THADA: variants seen among roughly 807,000 people sequenced by gnomAD.
THADA encodes THADA armadillo repeat containing.
THADA carries 213 observed loss-of-function variants against 219.8 expected under a neutral mutation model. The observed-to-expected ratio is 0.97, with a 90% CI of 0.87 to 1.09. THADA has a LOEUF of 1.09. Among genes scored for constraint, THADA ranks in the 50% least tolerant of loss-of-function variants. The pLI, the probability that THADA is intolerant of heterozygous loss-of-function variation, is 0.00. For synonymous variants in THADA, 1,018 were observed against 828.9 expected, an observed-to-expected ratio of 1.23 and a Z score of -3.92; for missense variants, 2,956 against 2,311.3, an observed-to-expected ratio of 1.28 and a Z score of -5.72.
Position 43,480,151 on chromosome 2 carries a change from G to C in THADA, c.3836+5083C>G, listed in dbSNP as rs554495359. On this transcript the variant is annotated intron_variant, in intron 26 of 37. Transcript: ENST00000405975. The stretch of plus-strand genomic sequence containing the variant: ...TGTGTTCTAGTTCTGCCACTTTCTG[G>C]CTGTATGGCCACAGGCAAGTAGCTA... Among the ~76,000 whole-genome samples, 6 of 152,352 alleles carry C rather than the reference G, an allele frequency of 3.9e-5. No homozygotes were observed. In the South Asian group the frequency reaches 1.2e-3, roughly 32 times the overall value.
intron 29 of THADA, among the ~76,000 whole-genome samples, chr2:43,346,125 G>T (rs1324004832): frequency 1.3e-5 from 2 of 152,120 alleles, no homozygotes; most frequent in Non-Finnish European, 2.9e-5. Context: ...CAAAGGGCCA[G>T]GGTCAGAGAA....
At chr2:43,307,169 A>G (rs1375057309) in intron 31 of THADA, among the ~76,000 whole-genome samples, 1 of 152,230 alleles carries the variant, frequency 6.6e-6, no homozygotes, top group Non-Finnish European at 1.5e-5. Context: ...CAAGAAGACA[A>G]TAAGGGAAGC....
intron 36 of THADA, among the ~76,000 whole-genome samples, chr2:43,237,397 A>ATTTTTT (rs70963388): frequency 7.6e-6 from 1 of 132,264 alleles, no homozygotes; most frequent in Non-Finnish European, 1.6e-5. Context: ...AACTCATTTG[A>ATTTTTT]TTTTTTTTTT....
At chr2:43,232,913 A>C in intron 36 of THADA, 31 bp from the exon 37 acceptor site, 1 of 1,589,990 alleles carries the variant, frequency 6.3e-7, no homozygotes, top group Non-Finnish European at 8.6e-7. Flanking sequence ...TGAGCAATGA[A>C]TATACTGCTC....
chr2:43,483,590 A>G (rs1260499853), intron 26 of THADA, among the ~76,000 whole-genome samples: 2 of 152,018 alleles, frequency 1.3e-5, no homozygotes, highest in Non-Finnish European at 1.5e-5. Flanking sequence ...ATATTTTGTA[A>G]TCTTTCCTAT....
At position 43,320,550 on chromosome 2, in the gene THADA, TA is replaced by T; in HGVS notation, c.4344-11del. ...CAAACATGGATTTTGCCTAGAAAGG[TA>T]AAGAACAGAATATAAATTGAGATTT... On this transcript the variant is annotated splice_polypyrimidine_tract_variant and intron_variant, in intron 30 of 37. Transcript: ENST00000405975. 1 of 1,597,212 alleles carries T rather than the reference TA, an allele frequency of 6.3e-7. No homozygotes were observed. Among genetic ancestry groups the T allele is most frequent in the Non-Finnish European group, 8.6e-7 (1 of 1,167,402 alleles).
intron 36 of THADA, among the ~76,000 whole-genome samples, chr2:43,272,432 T>C (rs1416559099): frequency 6.6e-6 from 1 of 152,188 alleles, no homozygotes; most frequent in Non-Finnish European, 1.5e-5. Context: ...TGGCTTGGAC[T>C]AGCACATGAA....
chr2:43,246,840 G>A (rs1453172028), intron 36 of THADA, among the ~76,000 whole-genome samples: 1 of 152,152 alleles, frequency 6.6e-6, no homozygotes, highest in Non-Finnish European at 1.5e-5. Context: ...TTTCCCAAAG[G>A]CATGGGAAAT....
chr2:43,240,567 G>T (rs1572729761), intron 36 of THADA, among the ~76,000 whole-genome samples: 1 of 152,136 alleles, frequency 6.6e-6, no homozygotes, highest in South Asian at 2.1e-4. Context: ...ACCCACCAGG[G>T]CCATCAGAGC....
In THADA at chr2:43,304,002, A is replaced by G. The variant is rs147353786; in HGVS notation, c.4439-10789T>C. ...CACCTCAGACCATCTGACATCATCC[A>G]TGCTTTCCACAGTGTAAACATCTTG... On this transcript the variant is annotated intron_variant, in intron 31 of 37. Transcript: ENST00000405975. 4.9e-4 allele frequency among the ~76,000 whole-genome samples: 75 copies of G among 152,286 alleles called. 1 individual carries two copies. In the East Asian group the frequency reaches 0.01, roughly 21 times the overall value.
In THADA at chr2:43,456,460, G is replaced by A. The variant is rs372291466; in HGVS notation, c.3837-26158C>T. 7.2e-5 allele frequency among the ~76,000 whole-genome samples: 11 copies of A among 152,280 alleles called. No homozygotes were observed. The East Asian group carries it at 2.1e-3, about 29-fold the overall frequency. ...AATGCAAAGTAGAGAAAGAGCAAAG[G>A]TCTAGAACCAGCCTGACCAGAGGAA... On this transcript the variant is annotated intron_variant, in intron 26 of 37. Coordinates refer to ENST00000405975, the MANE Select transcript of THADA (RefSeq NM_022065.5).
rs1686393801 is a variant in THADA at position 43,482,806 on chromosome 2, C to G, written c.3836+2428G>C. ...CAGAAGTGGTAACAGAAAGAAAAAC[C>G]AAACTATATCTCTAATTGCCTAGGA... On this transcript the variant is annotated intron_variant, in intron 26 of 37. Transcript: ENST00000405975. 2.0e-5 allele frequency among the ~76,000 whole-genome samples: 3 copies of G among 152,092 alleles called. 1 individual carries two copies. Among genetic ancestry groups the G allele is most frequent in the South Asian group, 4.1e-4 (2 of 4,830 alleles).
intron 30 of THADA, among the ~76,000 whole-genome samples, chr2:43,338,529 T>C (rs1031236363): frequency 5.3e-5 from 8 of 152,182 alleles, no homozygotes; most frequent in East Asian, 1.9e-4. Context: ...CTCCTCTCTG[T>C]AGCCCCTGGC....
At chr2:43,470,630 T>C (rs1187489907) in intron 26 of THADA, among the ~76,000 whole-genome samples, 1 of 152,136 alleles carries the variant, frequency 6.6e-6, no homozygotes, top group African/African-American at 2.4e-5. Context: ...GACAGGAAAA[T>C]GCAACAAAAT....
At chr2:43,459,785 T>C (rs1000358777) in intron 26 of THADA, among the ~76,000 whole-genome samples, 1 of 152,198 alleles carries the variant, frequency 6.6e-6, no homozygotes, top group African/African-American at 2.4e-5. Flanking sequence ...AGCCAAAGCA[T>C]GCTGTGTCAG....
chr2:43,518,507 A>T (rs542941737), intron 22 of THADA, among the ~76,000 whole-genome samples: 5 of 152,184 alleles, frequency 3.3e-5, no homozygotes, highest in East Asian at 3.9e-4. Context: ...ACCCCAAGAG[A>T]TCATTTTTTC....
chr2:43,261,636 A>ATT (rs35414545), intron 36 of THADA, among the ~76,000 whole-genome samples: 39 of 116,168 alleles, frequency 3.4e-4, no homozygotes, highest in Non-Finnish European at 3.6e-4. Context: ...TATTGTTTTG[A>ATT]TTTTTTTTTT....
intron 30 of THADA, among the ~76,000 whole-genome samples, chr2:43,321,711 G>A (rs957107230): frequency 6.6e-6 from 1 of 152,180 alleles, no homozygotes. Context: ...AATAGAAAAT[G>A]GACTAAGACA....
chr2:43,268,721 G>GT (rs1671806108), intron 36 of THADA, among the ~76,000 whole-genome samples: 1 of 152,228 alleles, frequency 6.6e-6, no homozygotes, highest in Admixed American at 6.5e-5. Flanking sequence ...CCCCACCCCT[G>GT]CCCTGCAGAA....
Sources: allele counts gnomAD v4.1 joint callset (sites outside exome capture counted in the v4.1 genomes callset), GRCh38; gene constraint gnomAD v4.1.1; transcripts MANE v1.5; gene names NCBI Gene and HGNC (gene_info 2026-07-23, HGNC 2026-07-21).